The following ZFHX3 variants were observed in gnomAD, a reference collection of about 807,000 sequenced individuals.
The protein encoded by ZFHX3 is zinc finger homeobox protein 3.
In ZFHX3, 42 loss-of-function variants were observed where a neutral mutation model predicts 279.1. The observed-to-expected ratio is 0.15, with a 90% CI of 0.12 to 0.19. The LOEUF (loss-of-function observed/expected upper bound fraction) is 0.19. Among genes scored for constraint, ZFHX3 ranks in the 10% least tolerant of loss-of-function variants. The pLI, the probability that ZFHX3 is intolerant of heterozygous loss-of-function variation, is 1.00. For synonymous variants in ZFHX3, 2,293 were observed against 1,957.8 expected, an observed-to-expected ratio of 1.17 and a Z score of -4.52; for missense variants, 4,981 against 4,754.0, an observed-to-expected ratio of 1.05 and a Z score of -1.40.
intron 3 of ZFHX3, among the ~76,000 whole-genome samples, chr16:73,427,632 A>T (rs1462920300): frequency 6.6e-6 from 1 of 152,184 alleles, no homozygotes; most frequent in Non-Finnish European, 1.5e-5. Flanking sequence ...GTAGCCACTG[A>T]CTAGCATTAA....
intron 3 of ZFHX3, among the ~76,000 whole-genome samples, chr16:73,393,999 G>A (rs1334363365): frequency 6.8e-6 from 1 of 147,758 alleles, no homozygotes; most frequent in Non-Finnish European, 1.5e-5. Context: ...TGTGATATAT[G>A]TATACATATA....
chr16:73,615,595 C>T (rs370298019), intron 2 of ZFHX3, among the ~76,000 whole-genome samples: 2 of 152,266 alleles, frequency 1.3e-5, no homozygotes, highest in South Asian at 4.1e-4. Flanking sequence ...TCCTCCAAAT[C>T]CCAAATTGAA....
intron 1 of ZFHX3, among the ~76,000 whole-genome samples, chr16:73,699,870 T>C (rs2053230858): frequency 6.6e-6 from 1 of 152,076 alleles, no homozygotes; most frequent in African/African-American, 2.4e-5. Flanking sequence ...GGATGAGAAA[T>C]TTGGGGTTCA....
chr16:73,781,183 C>A (rs1211401591), intron 1 of ZFHX3, among the ~76,000 whole-genome samples: 1 of 152,176 alleles, frequency 6.6e-6, no homozygotes, highest in Non-Finnish European at 1.5e-5. Flanking sequence ...AGCAAGAGAG[C>A]AAGCAACGTA....
intron 2 of ZFHX3, among the ~76,000 whole-genome samples, chr16:73,470,733 TA>T (rs2018651706): frequency 6.6e-6 from 1 of 152,154 alleles, no homozygotes. Context: ...CACAGGAAAT[TA>T]AATGTGAAAG....
intron 3 of ZFHX3, among the ~76,000 whole-genome samples, chr16:73,406,057 C>T (rs1269010803): frequency 6.6e-6 from 1 of 152,252 alleles, no homozygotes; most frequent in Non-Finnish European, 1.5e-5. Flanking sequence ...CACATTCTAT[C>T]GTCTCTAGGA....
At chr16:73,581,886 G>A (rs1425977014) in intron 2 of ZFHX3, among the ~76,000 whole-genome samples, 2 of 151,448 alleles carry the variant, frequency 1.3e-5, no homozygotes, top group African/African-American at 4.9e-5. Flanking sequence ...GTGTTAGCCA[G>A]GATGGTCTCG....
At chr16:73,836,168 C>T (rs1303270520) in intron 1 of ZFHX3, among the ~76,000 whole-genome samples, 1 of 152,110 alleles carries the variant, frequency 6.6e-6, no homozygotes, top group Non-Finnish European at 1.5e-5. Context: ...CTTCAGTGTC[C>T]CCAGGTAAAC....
At chr16:73,078,863 C>G (rs1203642828) in intron 8 of ZFHX3, among the ~76,000 whole-genome samples, 1 of 151,760 alleles carries the variant, frequency 6.6e-6, no homozygotes, top group African/African-American at 2.4e-5. Flanking sequence ...CCAGGATGGT[C>G]TCGATCTCCT....
chr16:73,704,914 G>C (rs923970991), intron 1 of ZFHX3, among the ~76,000 whole-genome samples: 1 of 152,152 alleles, frequency 6.6e-6, no homozygotes. Flanking sequence ...TGCTGGCAAC[G>C]GGTTCTCCAG....
intron 7 of ZFHX3, among the ~76,000 whole-genome samples, chr16:73,114,087 T>A (rs1343170093): frequency 2.0e-5 from 3 of 151,346 alleles, no homozygotes; most frequent in Admixed American, 2.0e-4. Flanking sequence ...TGAGCTGCTG[T>A]GCCCGGCCAT....
chr16:73,226,570 T>C (rs948771927), intron 5 of ZFHX3, among the ~76,000 whole-genome samples: 3 of 152,252 alleles, frequency 2.0e-5, no homozygotes, highest in African/African-American at 7.2e-5. Context: ...TCATGGGATG[T>C]GAGCTCCCCA....
intron 2 of ZFHX3, among the ~76,000 whole-genome samples, chr16:73,526,809 G>A (rs541569784): frequency 7.9e-5 from 12 of 151,948 alleles, no homozygotes; most frequent in African/African-American, 2.9e-4. Flanking sequence ...AAGGAGATTT[G>A]GCAATAGCAG....
At chr16:73,794,746 C>T (rs1483609621) in intron 1 of ZFHX3, among the ~76,000 whole-genome samples, 1 of 152,162 alleles carries the variant, frequency 6.6e-6, no homozygotes, top group Non-Finnish European at 1.5e-5. Flanking sequence ...AGATGGGAGT[C>T]TATAAAGGGC....
intron 7 of ZFHX3, among the ~76,000 whole-genome samples, chr16:73,100,060 C>T (rs769093227): frequency 7.2e-5 from 11 of 152,194 alleles, no homozygotes; most frequent in Non-Finnish European, 1.3e-4. Context: ...GGAATTCAGA[C>T]GAAAGATACC....
intron 1 of ZFHX3, among the ~76,000 whole-genome samples, chr16:73,805,458 C>G (rs113283338): frequency 6.6e-6 from 1 of 152,148 alleles, no homozygotes; most frequent in Non-Finnish European, 1.5e-5. Context: ...TGTGAGCTAC[C>G]GTGGCTGGCC....
chr16:73,801,369 C>T lies in ZFHX3; in HGVS notation c.-1608+90282G>A, dbSNP rs549624005. The stretch of plus-strand genomic sequence containing the variant: ...AACGAATAAATGAAACAATATAATC[C>T]TCCTTAGGTAGGAGGTGGGTTAAAG... On this transcript the variant is annotated intron_variant, in intron 1 of 17. Transcript: ENST00000641206. 2.0e-5 allele frequency among the ~76,000 whole-genome samples: 3 copies of T among 152,256 alleles called. No homozygotes were observed. The East Asian group carries it at 5.8e-4, about 29-fold the overall frequency.
chr16:73,568,713 GGCCCCCCTCTA>G (rs1422973718), intron 2 of ZFHX3, among the ~76,000 whole-genome samples: 1 of 152,162 alleles, frequency 6.6e-6, no homozygotes, highest in African/African-American at 2.4e-5. Context: ...GCATGGAGCT[GGCCCCCCTCTA>G]GCCACAGGAT....
rs2143597168 is a variant in ZFHX3, at chr16:72,812,018, T to C, written c.3550A>G (p.Lys1184Glu). ...EGGASSSQAE[K>E]ELTDSPATSK... ...GTTGCAGGAGAATCTGTCAGCTCCT[T>C]CTCTGCTTGGCTGGACGATGCTAAA... The change falls in exon 6 of 10, where the codon AAG becomes GAG. Residue 1184 changes from lysine (K) to glutamate (E), a missense_variant. By Grantham distance (56) the Lys-to-Glu change is moderately conservative. Coordinates refer to ENST00000268489, the MANE Select transcript of ZFHX3 (RefSeq NM_006885.4). The C allele has an allele frequency of 6.2e-7, 1 of 1,614,054 alleles. No homozygotes were observed. Among genetic ancestry groups the C allele is most frequent in the Non-Finnish European group, 8.5e-7 (1 of 1,179,980 alleles).
Sources: gnomAD v4.1 joint callset for allele counts (sites outside exome capture counted in the v4.1 genomes callset) on GRCh38, gnomAD v4.1.1 for gene constraint, MANE v1.5 for transcripts, NCBI Gene and HGNC (gene_info 2026-07-23, HGNC 2026-07-21) for gene names.